The following GBF1 variants were observed in gnomAD, a reference collection of about 807,000 sequenced individuals.
GBF1 encodes the protein golgi brefeldin A resistant guanine nucleotide exchange factor 1.
In GBF1, 114 loss-of-function variants were observed where a neutral mutation model predicts 210.5. That is an observed-to-expected ratio of 0.54 (90% CI 0.47 to 0.63). The LOEUF (loss-of-function observed/expected upper bound fraction) is 0.63. Ranked by LOEUF, GBF1 falls within the 30% of genes least tolerant of loss-of-function variation. GBF1 has a pLI of 0.00. For synonymous variants in GBF1, 850 were observed against 889.2 expected (o/e 0.96, Z 0.78); for missense variants, 1,851 against 2,357.7 (o/e 0.79, Z 4.45).
upstream of GBF1, among the ~76,000 whole-genome samples, chr10:102,242,883 C>T (rs980706995): frequency 3.4e-5 from 5 of 147,374 alleles, no homozygotes; most frequent in East Asian, 4.0e-4. Context: ...GAGCTGAGAT[C>T]GCGCCACTGC....
Position 102,380,487 on chromosome 10 carries a change from G to A in GBF1, c.4993-19G>A. 6.2e-7 allele frequency: 1 copy of A among 1,608,832 alleles called. No individual in the cohort carries two copies. Among genetic ancestry groups the A allele is most frequent in the Non-Finnish European group, 8.5e-7 (1 of 1,176,454 alleles). ...CCATGCCCTCTTTCCTATTCTCATG[G>A]TCCCACTGCCACCTGCAGTCAGAGG... On this transcript the variant is annotated intron_variant, in intron 37 of 39. Transcript: ENST00000369983.
At chr10:102,293,718 C>T (rs1338861863) in intron 3 of GBF1, among the ~76,000 whole-genome samples, 2 of 147,256 alleles carry the variant, frequency 1.4e-5, no homozygotes, top group African/African-American at 5.0e-5. Context: ...TAGAAGAAAC[C>T]TTATATAATA....
intron 33 of GBF1, among the ~76,000 whole-genome samples, chr10:102,378,410 G>A (rs576774690): frequency 6.6e-6 from 1 of 151,864 alleles, no homozygotes; most frequent in South Asian, 2.1e-4. Context: ...ATCACTTGAG[G>A]CCAGGAGTTC....
chr10:102,274,298 G>A (rs756727055), intron 3 of GBF1, among the ~76,000 whole-genome samples: 16 of 152,266 alleles, frequency 1.1e-4, no homozygotes, highest in Non-Finnish European at 1.8e-4. Context: ...CAAAAGAATA[G>A]CATTGGTGTT....
chr10:102,246,718 C>T (rs937909691), intron 1 of GBF1, among the ~76,000 whole-genome samples: 4 of 152,168 alleles, frequency 2.6e-5, no homozygotes, highest in African/African-American at 9.7e-5. Flanking sequence ...CTGTGATGAC[C>T]TTTGATAAAC....
chr10:102,334,080 A>G (rs1192450411), intron 3 of GBF1, among the ~76,000 whole-genome samples: 1 of 152,210 alleles, frequency 6.6e-6, no homozygotes, highest in African/African-American at 2.4e-5. Flanking sequence ...TTCTGTCTCC[A>G]GGAACATGGG....
chr10:102,238,546 A>G, the GBF1 span, among the ~76,000 whole-genome samples: 3 of 152,242 alleles, frequency 2.0e-5, no homozygotes, highest in African/African-American at 7.2e-5. Flanking sequence ...CTATGGCTGC[A>G]TCAGGGATGA....
rs568566610 is a variant in GBF1 at position 102,382,597 on chromosome 10, C to G, written c.*261C>G. ...CAGCTGTCATCTGCAGCCTCTGCCTCCAGCCCGGCAGCTCTGGGGAGGCAT... is the reference window on the plus strand; with the variant it reads ...CAGCTGTCATCTGCAGCCTCTGCCTGCAGCCCGGCAGCTCTGGGGAGGCAT... On this transcript the variant is annotated 3_prime_UTR_variant, in exon 40 of 40. Coordinates refer to ENST00000369983, the MANE Select transcript of GBF1 (RefSeq NM_001377137.1). 2.3e-6 allele frequency: 1 copy of G among 427,676 alleles called. No individual in the cohort carries two copies. 26.5% of individuals were successfully genotyped at this position (427,676 alleles called of 1,614,324 possible). A position where few individuals can be genotyped will look rare whatever the true frequency, so the allele number is the denominator to read the frequency against.
At chr10:102,240,396 G>T (rs1356582107), upstream of GBF1, among the ~76,000 whole-genome samples, 4 of 152,190 alleles carry the variant, frequency 2.6e-5, no homozygotes, top group Non-Finnish European at 4.4e-5. Flanking sequence ...TCACCCCAAG[G>T]CCAGGTTGTA....
At chr10:102,326,096 A>G (rs960545130) in intron 3 of GBF1, among the ~76,000 whole-genome samples, 6 of 152,224 alleles carry the variant, frequency 3.9e-5, no homozygotes, top group African/African-American at 1.4e-4. Context: ...CAGCTCTGGA[A>G]CTAAAGATCT....
chr10:102,361,237 G>A, intron 13 of GBF1, 117 bp downstream of exon 13: 1 of 698,568 alleles, frequency 1.4e-6, no homozygotes, highest in East Asian at 2.6e-5. Context: ...TCCTATAGGA[G>A]AGTCCTTTTA....
Position 102,377,036 on chromosome 10 carries a change from C to T in GBF1, c.4390C>T (p.Arg1464Ter), listed in dbSNP as rs765081649. 6 of 1,613,980 alleles carry T rather than the reference C, an allele frequency of 3.7e-6. No homozygotes were observed. Among genetic ancestry groups the T allele is most frequent in the Non-Finnish European group, 5.1e-6 (6 of 1,179,978 alleles). Residue 1464 changes from arginine (R) to a stop codon, truncating the protein, a stop_gained, in exon 33 of 40, where the codon CGA (arginine) becomes TGA (stop). Coordinates refer to ENST00000369983, the MANE Select transcript of GBF1 (RefSeq NM_001377137.1). LOFTEE classifies it high-confidence loss of function. ...SKEGSMLRRPRTSSQHASRGG... is the reference protein window; with the variant it reads ...SKEGSMLRRP The stretch of plus-strand genomic sequence containing the variant: ...AGAGGGATCAATGCTTCGCCGGCCT[C>T]GAACCTCCAGCCAACATGCCTCTCG...
At chr10:102,231,213 G>T in the GBF1 span, 1 of 1,045,046 alleles carries the variant, frequency 9.6e-7, no homozygotes, top group Non-Finnish European at 1.3e-6. Context: ...TAAACGAGAT[G>T]AGGTGGCTAG....
intron 3 of GBF1, among the ~76,000 whole-genome samples, 161 bp from the exon 4 acceptor site, chr10:102,343,890 A>C (rs771171112): frequency 6.6e-6 from 1 of 152,214 alleles, no homozygotes; most frequent in African/African-American, 2.4e-5. Flanking sequence ...TTTTACAGAT[A>C]AAATGATACA....
Position 102,379,395 on chromosome 10 carries a change from C to A in GBF1, c.4606C>A (p.Arg1536Ser). ...TGGCCAGAAGATTGAAGCTGATTCT[C>A]GCACCCTCTGGGCCCACTGCTGGTG... ...TGGQKIEADS[R>S]TLWAHCWCPL... Residue 1536 changes from arginine to serine, a missense_variant, in exon 34 of 40, where the codon CGC becomes AGC. By Grantham distance (110) the Arg-to-Ser change is moderately radical (BLOSUM62 -1). This residue lies in a region of GBF1 where 967 missense variants were observed against 1,247.7 expected (regional missense o/e 0.78). Transcript: ENST00000369983. 1 of 1,614,082 alleles carries A rather than the reference C, an allele frequency of 6.2e-7. No individual in the cohort carries two copies. Among genetic ancestry groups the A allele is most frequent in the African/African-American group, 1.3e-5 (1 of 75,016 alleles).
Position 102,370,711 on chromosome 10 carries a change from C to T in GBF1, c.3511C>T (p.Arg1171Cys), listed in dbSNP as rs374092781. Residue 1171 changes from arginine (R) to cysteine (C), a missense_variant, in exon 29 of 40, where the codon CGT becomes TGT. Physicochemically the swap from Arg to Cys is radical, Grantham distance 180. Transcript: ENST00000369983. ...CATTCCTTTATGTCTACACAGGGATCGTGTGGGCTGTGTGTGGCAGACTGT... is the reference window on the plus strand; with the variant it reads ...CATTCCTTTATGTCTACACAGGGATTGTGTGGGCTGTGTGTGGCAGACTGT... ...LLRIVLENRD[R>C]VGCVWQTVRD... is the part of the protein sequence containing the mutation. The T allele has an allele frequency of 3.1e-6, 5 of 1,613,690 alleles. No individual in the cohort carries two copies. Among genetic ancestry groups the T allele is most frequent in the South Asian group, 2.2e-5 (2 of 91,058 alleles).
At chr10:102,268,036 G>C (rs963598717) in intron 3 of GBF1, among the ~76,000 whole-genome samples, 1 of 152,124 alleles carries the variant, frequency 6.6e-6, no homozygotes, top group East Asian at 1.9e-4. Flanking sequence ...TATTAAAAGG[G>C]TAGCTCCAAG....
chr10:102,312,466 C>G (rs2078549576), intron 3 of GBF1, among the ~76,000 whole-genome samples: 6 of 152,068 alleles, frequency 3.9e-5, no homozygotes, highest in Admixed American at 3.9e-4. Flanking sequence ...AACCTGGCAC[C>G]CAGCCCTTGG....
At chr10:102,343,347 G>C (rs970818178) in intron 3 of GBF1, among the ~76,000 whole-genome samples, 1 of 152,146 alleles carries the variant, frequency 6.6e-6, no homozygotes, top group Admixed American at 6.5e-5. Context: ...GGGTCGCATT[G>C]GCTCTACCCA....
Sources: gnomAD v4.1 joint callset for allele counts (sites outside exome capture counted in the v4.1 genomes callset) on GRCh38, gnomAD v4.1.1 for gene constraint, gnomAD v4.1.1 regional missense constraint, MANE v1.5 for transcripts, NCBI Gene and HGNC (gene_info 2026-07-23, HGNC 2026-07-21) for gene names.